C1QTNF7: variants seen among roughly 807,000 people sequenced by gnomAD.
C1QTNF7 encodes the protein complement C1q tumor necrosis factor-related protein 7.
Under a neutral mutation model 19.6 loss-of-function variants are expected in C1QTNF7, and 15 were observed. That is an observed-to-expected ratio of 0.76 (90% confidence interval 0.51 to 1.18). The LOEUF is 1.18. Among genes scored for constraint, C1QTNF7 ranks in the 50% most tolerant of loss-of-function variants. The probability of loss-of-function intolerance (pLI) is 0.00; values close to 1 mark genes in which losing one functional copy is unlikely to be tolerated. For synonymous variants in C1QTNF7, 142 were observed against 137.5 expected (o/e 1.03, Z -0.23); for missense variants, 324 against 359.7 (o/e 0.90, Z 0.80).
At chr4:15,437,513 T>C (rs943179687) in intron 2 of C1QTNF7, among the ~76,000 whole-genome samples, 5 of 152,142 alleles carry the variant, frequency 3.3e-5, no homozygotes, top group African/African-American at 9.7e-5. Context: ...AAACTAGACA[T>C]TGGTAATTCG....
intron 1 of C1QTNF7, among the ~76,000 whole-genome samples, chr4:15,384,406 C>CT (rs968372138): frequency 1.1e-3 from 171 of 149,444 alleles, no homozygotes; most frequent in African/African-American, 3.8e-3. Flanking sequence ...ACAAATACAG[C>CT]TTTTTTTTTT....
chr4:15,395,343 T>G (rs1560354403), intron 1 of C1QTNF7, among the ~76,000 whole-genome samples: 1 of 152,048 alleles, frequency 6.6e-6, no homozygotes, highest in Non-Finnish European at 1.5e-5. Context: ...TGGATTGGTG[T>G]TTTTGCATTT....
intron 1 of C1QTNF7, among the ~76,000 whole-genome samples, chr4:15,435,131 ATATC>A (rs1386506893): frequency 6.6e-5 from 10 of 152,352 alleles, no homozygotes; most frequent in Non-Finnish European, 1.2e-4. Context: ...AGCAACCTAA[ATATC>A]TATAATGGGG....
intron 1 of C1QTNF7, among the ~76,000 whole-genome samples, chr4:15,370,907 A>T (rs1309260897): frequency 6.6e-6 from 1 of 152,208 alleles, no homozygotes; most frequent in Non-Finnish European, 1.5e-5. Flanking sequence ...TTCTACTATC[A>T]CATTTCCTAT....
chr4:15,385,053 T>G (rs1365479049), intron 1 of C1QTNF7, among the ~76,000 whole-genome samples: 2 of 152,222 alleles, frequency 1.3e-5, no homozygotes, highest in Non-Finnish European at 2.9e-5. Flanking sequence ...CTTTCTCTCT[T>G]TTTCTGTCTG....
At chr4:15,389,552 T>C (rs1476429148) in intron 1 of C1QTNF7, among the ~76,000 whole-genome samples, 8 of 152,182 alleles carry the variant, frequency 5.3e-5, no homozygotes, top group Admixed American at 1.3e-4. Flanking sequence ...CCCAAGTAGC[T>C]GGGATTACAG....
intron 1 of C1QTNF7, among the ~76,000 whole-genome samples, chr4:15,380,264 C>T (rs559409899): frequency 6.6e-6 from 1 of 152,252 alleles, no homozygotes; most frequent in South Asian, 2.1e-4. Flanking sequence ...AAACCCAGTT[C>T]CTTTATTATG....
chr4:15,392,148 A>G (rs1480574166), intron 1 of C1QTNF7, among the ~76,000 whole-genome samples: 1 of 152,228 alleles, frequency 6.6e-6, no homozygotes, highest in Non-Finnish European at 1.5e-5. Flanking sequence ...GGAATGTGCC[A>G]TAGACACCAA....
chr4:15,418,703 A>G (rs13145135), intron 1 of C1QTNF7, among the ~76,000 whole-genome samples: 1 of 141,090 alleles, frequency 7.1e-6, no homozygotes, highest in Non-Finnish European at 1.6e-5. Context: ...GTAGTAAAAT[A>G]CAGTAGTTAA....
upstream of C1QTNF7, among the ~76,000 whole-genome samples, chr4:15,424,971 G>A (rs1263344087): frequency 6.6e-6 from 1 of 151,902 alleles, no homozygotes; most frequent in African/African-American, 2.4e-5. Flanking sequence ...TCTCTACAAG[G>A]TCTCTTTGTT....
intron 1 of C1QTNF7, among the ~76,000 whole-genome samples, chr4:15,391,229 G>A (rs967753977): frequency 5.3e-5 from 8 of 151,208 alleles, no homozygotes; most frequent in Admixed American, 4.6e-4. Context: ...GCAACTCCAG[G>A]TCTACACCCT....
chr4:15,420,824 G>GTTT (rs1487430797), intron 1 of C1QTNF7, among the ~76,000 whole-genome samples: 1 of 51,288 alleles, frequency 1.9e-5, no homozygotes, highest in East Asian at 7.4e-4. Context: ...CCACTGCTTT[G>GTTT]TCTTTTTTTT....
intron 1 of C1QTNF7, among the ~76,000 whole-genome samples, chr4:15,371,886 G>A (rs1052331766): frequency 6.6e-6 from 1 of 152,070 alleles, no homozygotes; most frequent in African/African-American, 2.4e-5. Context: ...TGGTGCTCTG[G>A]GTAACAATGT....
intron 1 of C1QTNF7, among the ~76,000 whole-genome samples, chr4:15,403,856 G>GT (rs1719086174): frequency 6.6e-6 from 1 of 151,924 alleles, no homozygotes; most frequent in Non-Finnish European, 1.5e-5. Context: ...GTTCAAACAG[G>GT]TTTTTTTCTG....
Position 15,444,692 on chromosome 4 carries a change from G to A in C1QTNF7, c.*1893G>A, listed in dbSNP as rs886234654. The A allele has an allele frequency of 1.3e-5, 2 of 152,242 alleles. No individual in the cohort carries two copies. Among genetic ancestry groups the A allele is most frequent in the Non-Finnish European group, 2.9e-5 (2 of 68,072 alleles). The allele number at this position is 152,242 out of a possible 1,614,324, so 9.4% of individuals were successfully genotyped here. ...AGGGCAAAATGCTGTGAAAGAAGAG[G>A]AAATGTTTACTTCCAAATTAGGATG... On this transcript the variant is annotated 3_prime_UTR_variant, in exon 3 of 3. Transcript: ENST00000444304.
chr4:15,351,082 G>A (rs1011256832), intron 1 of C1QTNF7, among the ~76,000 whole-genome samples: 4 of 152,164 alleles, frequency 2.6e-5, no homozygotes, highest in Admixed American at 2.6e-4. Context: ...TCTCATTGGA[G>A]TTTTTGTGAG....
intron 1 of C1QTNF7, among the ~76,000 whole-genome samples, chr4:15,385,477 T>C (rs1265122428): frequency 6.6e-6 from 1 of 152,204 alleles, no homozygotes; most frequent in Non-Finnish European, 1.5e-5. Context: ...CAGGATGGAC[T>C]GTGCTTGGTT....
chr4:15,404,171 A>C (rs1719106691), intron 1 of C1QTNF7, among the ~76,000 whole-genome samples: 1 of 152,236 alleles, frequency 6.6e-6, no homozygotes, highest in Non-Finnish European at 1.5e-5. Flanking sequence ...ATAAATATCC[A>C]TATAGATATA....
intron 1 of C1QTNF7, among the ~76,000 whole-genome samples, chr4:15,392,281 A>G (rs1257429791): frequency 6.6e-6 from 1 of 151,862 alleles, no homozygotes; most frequent in Non-Finnish European, 1.5e-5. Context: ...CATGATTCAC[A>G]CCTGTGTATA....
Sources: allele counts gnomAD v4.1 joint callset (sites outside exome capture counted in the v4.1 genomes callset), GRCh38; gene constraint gnomAD v4.1.1; transcripts MANE v1.5; gene names NCBI Gene and HGNC (gene_info 2026-07-23, HGNC 2026-07-21).